The following ANKRD31 variants were observed in gnomAD, a reference collection of about 807,000 sequenced individuals.
The protein encoded by ANKRD31 is ankyrin repeat domain-containing protein 31.
A neutral mutation model predicts 186.0 loss-of-function variants in ANKRD31; 147 were observed. That is an observed-to-expected ratio of 0.79 (90% confidence interval 0.69 to 0.91). ANKRD31 has a LOEUF of 0.91. ANKRD31 is among the 40% of genes least tolerant of loss of function. The probability of loss-of-function intolerance (pLI) is 0.00; values close to 1 mark genes in which losing one functional copy is unlikely to be tolerated. For synonymous variants in ANKRD31, 673 were observed against 736.4 expected (o/e 0.91, Z 1.39); for missense variants, 1,986 against 2,148.8 (o/e 0.92, Z 1.50).
intron 11 of ANKRD31, among the ~76,000 whole-genome samples, chr5:75,167,335 T>C (rs1195832813): frequency 2.6e-5 from 4 of 152,232 alleles, no homozygotes; most frequent in Non-Finnish European, 4.4e-5. Context: ...AGGACCAGCA[T>C]TGGGTTCCCA....
intron 17 of ANKRD31, among the ~76,000 whole-genome samples, chr5:75,126,349 G>A (rs1749256048): frequency 6.6e-6 from 1 of 152,136 alleles, no homozygotes; most frequent in Non-Finnish European, 1.5e-5. Flanking sequence ...GGCTGAAGCA[G>A]GAGAATTGCT....
intron 6 of ANKRD31, among the ~76,000 whole-genome samples, chr5:75,197,155 G>C (rs1025864503): frequency 6.6e-6 from 1 of 152,052 alleles, no homozygotes; most frequent in Non-Finnish European, 1.5e-5. Context: ...GCCTGCTTCG[G>C]CCTCCCAAAG....
chr5:75,119,445 C>A (rs1374603348), intron 17 of ANKRD31, among the ~76,000 whole-genome samples: 1 of 152,164 alleles, frequency 6.6e-6, no homozygotes, highest in South Asian at 2.1e-4. Context: ...TTGTTTATGG[C>A]TGCATAGTAT....
In ANKRD31 at chr5:75,147,027, A is replaced by G. The variant is rs1236492554; in HGVS notation, c.2384T>C (p.Leu795Ser). 1 of 1,536,384 alleles carries G rather than the reference A, an allele frequency of 6.5e-7. No individual in the cohort carries two copies. Among genetic ancestry groups the G allele is most frequent in the Non-Finnish European group, 8.7e-7 (1 of 1,146,326 alleles). ...TGAACAAGCCTCAGTACTGCTATCT[A>G]ATCCATTTCTCAGGCTTGACAGAGT... ...SLTLSSLRNG[L>S]DSSTEACSVS... Residue 795 changes from leucine (L) to serine (S), a missense_variant, in exon 14 of 26, where the codon TTA becomes TCA. Coordinates refer to ENST00000506364, the MANE Select transcript of ANKRD31 (RefSeq NM_001372053.1).
rs1421130275 is a variant in ANKRD31, at chr5:75,138,993, T to C, written c.3596-10A>G. 4.6e-6 allele frequency: 7 copies of C among 1,535,708 alleles called. No homozygotes were observed. Among genetic ancestry groups the C allele is most frequent in the Non-Finnish European group, 6.1e-6 (7 of 1,146,188 alleles). On this transcript the variant is annotated splice_polypyrimidine_tract_variant and intron_variant, in intron 15 of 25. Transcript: ENST00000506364. ...CTACCTGCTTTCATTCCTGTAAATTTGCCAAACAAGAGGTTTATTTTCTGC... is the reference window on the plus strand; with the variant it reads ...CTACCTGCTTTCATTCCTGTAAATTCGCCAAACAAGAGGTTTATTTTCTGC...
intron 11 of ANKRD31, among the ~76,000 whole-genome samples, chr5:75,165,061 C>G (rs1427808495): frequency 1.3e-5 from 2 of 152,098 alleles, no homozygotes; most frequent in African/African-American, 2.4e-5. Context: ...CATTTTATAG[C>G]TTTTACAATT....
rs1751451232 is a variant in ANKRD31 at position 75,146,532 on chromosome 5, G to C, written c.2879C>G (p.Ala960Gly). The C allele has an allele frequency of 6.5e-7, 1 of 1,536,326 alleles. No individual in the cohort carries two copies. The highest frequency in any genetic ancestry group is 1.4e-5 in the African/African-American group (1 of 72,958). Residue 960 changes from alanine (A) to glycine (G), a missense_variant, in exon 14 of 26, where the codon GCA (alanine) becomes GGA (glycine). Ala to Gly is a moderately conservative substitution (Grantham distance 60). Transcript: ENST00000506364. ...DHLSQENELK[A>G]VSLTTLPEQE... is the part of the protein sequence containing the mutation. ...TTCTGGAAGTGTGGTTAGGCTGACTGCTTTTAACTCATTTTCCTGTGAAAG... is the reference window on the plus strand; with the variant it reads ...TTCTGGAAGTGTGGTTAGGCTGACTCCTTTTAACTCATTTTCCTGTGAAAG...
chr5:75,080,549 T>C lies in ANKRD31; in HGVS notation c.5647+19A>G, dbSNP rs1745003310. ...ACTTATAAAAGTAAATGGAATTGAA[T>C]ATTTTCTTTTTTTTTTACCTTGTCC... is the stretch of plus-strand genomic sequence containing the variant. On this transcript the variant is annotated intron_variant, in intron 25 of 25. Coordinates refer to ENST00000506364, the MANE Select transcript of ANKRD31 (RefSeq NM_001372053.1). 6.8e-7 allele frequency: 1 copy of C among 1,477,870 alleles called. No homozygotes were observed. Among genetic ancestry groups the C allele is most frequent in the Non-Finnish European group, 9.1e-7 (1 of 1,098,074 alleles). 91.5% of individuals were successfully genotyped at this position (1,477,870 alleles called of 1,614,324 possible).
chr5:75,076,299 T>A (rs575555697), intron 25 of ANKRD31, among the ~76,000 whole-genome samples: 3 of 152,316 alleles, frequency 2.0e-5, no homozygotes, highest in Admixed American at 6.5e-5. Flanking sequence ...CACAATTCTA[T>A]CTAACTTGTC....
intron 10 of ANKRD31, among the ~76,000 whole-genome samples, chr5:75,174,245 C>T (rs955825291): frequency 6.6e-6 from 1 of 152,166 alleles, no homozygotes; most frequent in African/African-American, 2.4e-5. Context: ...GGATTAAAGA[C>T]TTAAATGTTA....
At chr5:75,213,512 G>A (rs577276557) in intron 3 of ANKRD31, among the ~76,000 whole-genome samples, 5 of 152,256 alleles carry the variant, frequency 3.3e-5, no homozygotes, top group East Asian at 3.9e-4. Flanking sequence ...AAGAGCTAAT[G>A]CCATTGAATA....
chr5:75,188,398 TA>T (rs1754876969), intron 10 of ANKRD31, 94 bp downstream of exon 10: 2 of 1,217,084 alleles, frequency 1.6e-6, no homozygotes, highest in Non-Finnish European at 2.2e-6. Context: ...GTTTGGAACT[TA>T]CCTTAGGCTC....
intron 1 of ANKRD31, among the ~76,000 whole-genome samples, chr5:75,235,899 TG>T (rs77873579): frequency 0.056 from 8,566 of 151,850 alleles, 352 homozygotes; most frequent in South Asian, 0.2. Flanking sequence ...AACTGGCAAG[TG>T]GGTATGATGA....
chr5:75,105,008 C>T lies in ANKRD31; in HGVS notation c.4551G>A (p.Glu1517=). The part of the protein sequence containing the change: ...SEISSEKDSQ[E]LTSLENLEHP... Reference sequence around the variant, plus strand: ...GCTCTAAATTTTCCAGACTAGTGAGCTCTTGGCTGTCTTTTTCACTAGAGA... The same window carrying T: ...GCTCTAAATTTTCCAGACTAGTGAGTTCTTGGCTGTCTTTTTCACTAGAGA... The change falls in exon 22 of 26, where the codon GAG becomes GAA. Residue 1517 remains glutamate (E), a synonymous_variant. Coordinates refer to ENST00000506364, the MANE Select transcript of ANKRD31 (RefSeq NM_001372053.1). The T allele has an allele frequency of 6.5e-7, 1 of 1,536,782 alleles. No homozygotes were observed. Among genetic ancestry groups the T allele is most frequent in the African/African-American group, 1.4e-5 (1 of 73,066 alleles).
At chr5:75,223,741 C>T (rs1757443947) in intron 2 of ANKRD31, among the ~76,000 whole-genome samples, 1 of 152,072 alleles carries the variant, frequency 6.6e-6, no homozygotes, top group South Asian at 2.1e-4. Context: ...GCCCTAACCG[C>T]CAATGTGATG....
At chr5:75,136,300 C>T (rs565821285) in intron 17 of ANKRD31, among the ~76,000 whole-genome samples, 3 of 152,234 alleles carry the variant, frequency 2.0e-5, no homozygotes, top group African/African-American at 7.2e-5. Flanking sequence ...CTACAAAGAA[C>T]TTAAACAAAT....
chr5:75,110,083 C>T (rs1487870615), intron 20 of ANKRD31, among the ~76,000 whole-genome samples: 1 of 151,604 alleles, frequency 6.6e-6, no homozygotes, highest in East Asian at 1.9e-4. Flanking sequence ...GGCAGTAAGA[C>T]AAAAATAAAG....
chr5:75,091,162 T>G, intron 23 of ANKRD31, 99 bp downstream of exon 23: 1 of 1,322,910 alleles, frequency 7.6e-7, no homozygotes, highest in Non-Finnish European at 1.0e-6. Context: ...AAAACTAGCT[T>G]GGAGATCTTT....
chr5:75,082,632 C>T (rs1342059831), intron 24 of ANKRD31, among the ~76,000 whole-genome samples: 1 of 152,044 alleles, frequency 6.6e-6, no homozygotes, highest in Non-Finnish European at 1.5e-5. Context: ...CTCTAATAAG[C>T]AAAGATTTAT....
Sources: gnomAD v4.1 joint callset for allele counts (sites outside exome capture counted in the v4.1 genomes callset) on GRCh38, gnomAD v4.1.1 for gene constraint, MANE v1.5 for transcripts, NCBI Gene and HGNC (gene_info 2026-07-23, HGNC 2026-07-21) for gene names.